Variants in U2SURP observed in about 807,000 individuals in gnomAD.
The protein encoded by U2SURP is U2 snRNP associated SURP domain containing.
Under a neutral mutation model 144.9 loss-of-function variants are expected in U2SURP, and 9 were observed. The observed-to-expected ratio is 0.06, with a 90% CI of 0.04 to 0.11. The LOEUF (loss-of-function observed/expected upper bound fraction) is 0.11, where lower values mean the gene tolerates loss of function less well. Ranked by LOEUF, U2SURP falls within the 10% of genes least tolerant of loss-of-function variation. The pLI is 1.00. For synonymous variants in U2SURP, 408 were observed against 396.8 expected, an observed-to-expected ratio of 1.03 and a Z score of -0.33; for missense variants, 724 against 1,226.7, an observed-to-expected ratio of 0.59 and a Z score of 6.12.
At chr3:143,021,684 T>G in intron 10 of U2SURP, 129 bp downstream of exon 10, 1 of 874,110 alleles carries the variant, frequency 1.1e-6, no homozygotes, top group South Asian at 1.7e-5. Flanking sequence ...TAGAGTTGTC[T>G]TACTGGTATG....
At position 143,027,268 on chromosome 3, in the gene U2SURP, AAAATTGTG is replaced by A. The variant is rs772833165; in HGVS notation, c.1379+20_1379+27del. On this transcript the variant is annotated intron_variant, in intron 14 of 27. Coordinates refer to ENST00000473835, the MANE Select transcript of U2SURP (RefSeq NM_001080415.2). Reference sequence around the variant, plus strand: ...CCTATGTTCAGGTGTGCATTTTTTAAAAATTGTGAAATATATGTAACATAAAATTTCCC... The same window carrying A: ...CCTATGTTCAGGTGTGCATTTTTTAAAAATATATGTAACATAAAATTTCCC... The A allele has an allele frequency of 1.9e-6, 3 of 1,593,684 alleles. No individual in the cohort carries two copies. Among genetic ancestry groups the A allele is most frequent in the Non-Finnish European group, 2.6e-6 (3 of 1,162,954 alleles).
intron 24 of U2SURP, among the ~76,000 whole-genome samples, chr3:143,043,717 G>GTA (rs5853088): frequency 0.016 from 2,364 of 147,332 alleles, 24 homozygotes; most frequent in African/African-American, 0.03. Context: ...TAGATTATAT[G>GTA]TATATATATA....
At chr3:143,037,077 G>GT (rs1933850805) in intron 20 of U2SURP, 102 bp from the exon 21 acceptor site, 1 of 1,083,784 alleles carries the variant, frequency 9.2e-7, no homozygotes, top group African/African-American at 1.6e-5. Flanking sequence ...CAGATTGTGG[G>GT]TATCCAGTTA....
chr3:143,033,783 C>CT (rs1490337729), intron 18 of U2SURP, among the ~76,000 whole-genome samples: 1 of 152,026 alleles, frequency 6.6e-6, no homozygotes, highest in Non-Finnish European at 1.5e-5. Flanking sequence ...TGAGGGAAGA[C>CT]TAATTTGAAT....
chr3:143,010,479 T>C (rs543141631), intron 1 of U2SURP, among the ~76,000 whole-genome samples: 4 of 152,200 alleles, frequency 2.6e-5, no homozygotes, highest in Non-Finnish European at 5.9e-5. Context: ...CAGTAAACGA[T>C]GCATCTATGA....
At chr3:143,006,303 G>C (rs1030208848) in intron 1 of U2SURP, among the ~76,000 whole-genome samples, 11 of 152,228 alleles carry the variant, frequency 7.2e-5, no homozygotes, top group African/African-American at 2.4e-4. Context: ...AAGCTAGGTA[G>C]CTGTTGTTAA....
rs1491267667 is a variant in U2SURP at position 143,004,574 on chromosome 3, C to CG, written c.45+2901_45+2902insG. Among the ~76,000 whole-genome samples the CG allele has an allele frequency of 8.0e-5, 3 of 37,666 alleles. 1 individual carries two copies. Among genetic ancestry groups the CG allele is most frequent in the African/African-American group, 1.9e-4 (2 of 10,380 alleles). The allele number at this position is 37,666 out of a possible 152,430, so 24.7% of individuals were successfully genotyped here. ...ATCTGTTGGCCTCTTGACCTTGTGA[C>CG]CCCCCCCCCCCGCCTCGGCCTCCCA... On this transcript the variant is annotated intron_variant, in intron 1 of 27. Coordinates refer to ENST00000473835, the MANE Select transcript of U2SURP (RefSeq NM_001080415.2).
intron 6 of U2SURP, chr3:143,017,282 T>C: frequency 4.8e-6 from 1 of 208,638 alleles, no homozygotes; most frequent in South Asian, 1.7e-4. Context: ...TGCAATGGGG[T>C]TGTCTTTTTA....
Position 143,042,472 on chromosome 3 carries a change from T to G in U2SURP, c.2385-645T>G, listed in dbSNP as rs140974800. Among the ~76,000 whole-genome samples the G allele has an allele frequency of 1.4e-4, 21 of 152,104 alleles. No individual in the cohort carries two copies. In the East Asian group the frequency reaches 2.9e-3, roughly 21 times the overall value. On this transcript the variant is annotated intron_variant, in intron 23 of 27. Transcript: ENST00000473835. Reference sequence around the variant, plus strand: ...TTTTTTTTAATTTTCATTTTAAAAGTTTTTGGGGTACAAGTGGTTTTGGGT... The same window carrying G: ...TTTTTTTTAATTTTCATTTTAAAAGGTTTTGGGGTACAAGTGGTTTTGGGT...
chr3:143,052,687 A>T (rs1934949244), intron 25 of U2SURP, among the ~76,000 whole-genome samples: 1 of 152,228 alleles, frequency 6.6e-6, no homozygotes, highest in Non-Finnish European at 1.5e-5. Flanking sequence ...CAAAGCAGAG[A>T]GCATTTACTG....
chr3:143,037,946 C>G (rs1475220752), intron 21 of U2SURP, among the ~76,000 whole-genome samples, 162 bp from the exon 22 acceptor site: 1 of 152,064 alleles, frequency 6.6e-6, no homozygotes, highest in East Asian at 1.9e-4. Flanking sequence ...CCCTCAGATG[C>G]AGAGAATTGG....
intron 1 of U2SURP, among the ~76,000 whole-genome samples, chr3:143,007,732 C>T (rs553757210): frequency 2.8e-4 from 43 of 152,158 alleles, no homozygotes; most frequent in Middle Eastern, 6.8e-3. Context: ...CGTGAGCCAC[C>T]GCGCCCGGCC....
rs1933910692 is a variant in U2SURP, at chr3:143,038,131, A to G, written c.2245A>G (p.Lys749Glu). Reference sequence around the variant, plus strand: ...AGTGGATGCAACTGAAGACTCAAAAAAGAATGAGCCTATATTTAAAGTTGC... The same window carrying G: ...AGTGGATGCAACTGAAGACTCAAAAGAGAATGAGCCTATATTTAAAGTTGC... ...VPLDATEDSK[K>E]NEPIFKVAPS... is the part of the protein sequence containing the mutation. The change falls in exon 22 of 28, where the codon AAG (lysine) becomes GAG (glutamate). Residue 749 changes from lysine to glutamate, a missense_variant. By Grantham distance (56) the Lys-to-Glu change is moderately conservative (BLOSUM62 1). This residue lies in a region of U2SURP where 116 missense variants were observed against 167.9 expected (regional missense o/e 0.69). Coordinates refer to ENST00000473835, the MANE Select transcript of U2SURP (RefSeq NM_001080415.2). The G allele has an allele frequency of 1.2e-6, 2 of 1,606,408 alleles. No individual in the cohort carries two copies. The highest frequency in any genetic ancestry group is 2.2e-5 in the South Asian group (2 of 89,512).
chr3:143,007,567 G>A (rs749767107), intron 1 of U2SURP, among the ~76,000 whole-genome samples: 5 of 149,770 alleles, frequency 3.3e-5, no homozygotes, highest in African/African-American at 4.9e-5. Context: ...TCAGCCTCCC[G>A]AGTAGCTGGG....
intron 3 of U2SURP, 139 bp from the exon 4 acceptor site, chr3:143,014,172 G>A (rs1046704862): frequency 1.1e-5 from 5 of 475,784 alleles, no homozygotes; most frequent in African/African-American, 8.1e-5. Context: ...GATGTGTAGA[G>A]TAGCCCCAAC....
At chr3:143,039,389 A>G (rs950831350) in intron 23 of U2SURP, among the ~76,000 whole-genome samples, 5 of 151,912 alleles carry the variant, frequency 3.3e-5, no homozygotes, top group Non-Finnish European at 7.4e-5. Context: ...CAGAAGAACT[A>G]AGAATGAATA....
intron 3 of U2SURP, among the ~76,000 whole-genome samples, chr3:143,012,737 T>A (rs1445646971): frequency 1.3e-5 from 2 of 152,148 alleles, no homozygotes; most frequent in Non-Finnish European, 2.9e-5. Flanking sequence ...AGTCTCACTC[T>A]GAAAGCAAAC....
At chr3:143,024,136 G>T (rs2108285953) in intron 13 of U2SURP, 118 bp downstream of exon 13, 1 of 925,234 alleles carries the variant, frequency 1.1e-6, no homozygotes, top group Non-Finnish European at 1.7e-6. Context: ...TTCCTTCCCA[G>T]TACTTTTTGC....
intron 16 of U2SURP, 117 bp downstream of exon 16, chr3:143,028,763 T>G: frequency 1.3e-6 from 1 of 785,878 alleles, no homozygotes; most frequent in South Asian, 2.1e-5. Flanking sequence ...TGTGAATGTT[T>G]AAAATAGTAA....
Sources: allele counts gnomAD v4.1 joint callset (sites outside exome capture counted in the v4.1 genomes callset), GRCh38; gene constraint gnomAD v4.1.1; regional missense constraint gnomAD v4.1.1; transcripts MANE v1.5; gene names NCBI Gene and HGNC (gene_info 2026-07-23, HGNC 2026-07-21).